KIAA0513: variants seen among roughly 807,000 people sequenced by gnomAD.
KIAA0513 encodes the protein uncharacterized protein KIAA0513.
Under a neutral mutation model 56.5 loss-of-function variants are expected in KIAA0513, and 39 were observed. The observed-to-expected ratio is 0.69, with a 90% CI of 0.53 to 0.90. The LOEUF (loss-of-function observed/expected upper bound fraction) is 0.90, where lower values mean the gene tolerates loss of function less well. Ranked by LOEUF, KIAA0513 falls within the 40% of genes least tolerant of loss-of-function variation. The probability of loss-of-function intolerance (pLI) is 0.00; values close to 1 mark genes in which losing one functional copy is unlikely to be tolerated. For missense variants in KIAA0513, 591 were observed against 535.2 expected, an observed-to-expected ratio of 1.10 and a Z score of -1.03; for synonymous variants, 268 against 215.6, an observed-to-expected ratio of 1.24 and a Z score of -2.13.
intron 4 of KIAA0513, among the ~76,000 whole-genome samples, chr16:85,074,288 A>G (rs983452752): frequency 1.3e-5 from 2 of 151,400 alleles, no homozygotes; most frequent in Middle Eastern, 3.2e-3. Context: ...TTCCATTTAT[A>G]TATACATATA....
intron 1 of KIAA0513, among the ~76,000 whole-genome samples, chr16:85,056,154 G>A (rs1052725237): frequency 2.0e-5 from 3 of 152,256 alleles, no homozygotes; most frequent in African/African-American, 7.2e-5. Context: ...GGATAGCTGG[G>A]GGTTGGTTGC....
At chr16:85,082,465 C>G in intron 9 of KIAA0513, 99 bp from the exon 10 acceptor site, 1 of 1,157,142 alleles carries the variant, frequency 8.6e-7, no homozygotes. Flanking sequence ...CCGTTTCTGC[C>G]TGTAATAACC....
chr16:85,049,878 A>G (rs1280192703), intron 1 of KIAA0513, among the ~76,000 whole-genome samples: 2 of 152,206 alleles, frequency 1.3e-5, no homozygotes, highest in Non-Finnish European at 2.9e-5. Flanking sequence ...TCCAGTAATT[A>G]AGTGTGGCTG....
intron 4 of KIAA0513, 57 bp downstream of exon 4, chr16:85,073,055 C>A (rs147260141): frequency 7.2e-7 from 1 of 1,391,620 alleles, no homozygotes; most frequent in Non-Finnish European, 1.0e-6. Flanking sequence ...TCCCTCCCTG[C>A]CTCCCTCCCC....
In KIAA0513 at chr16:85,088,385, C is replaced by A; in HGVS notation, c.*60C>A. On this transcript the variant is annotated 3_prime_UTR_variant, in exon 13 of 13. Transcript: ENST00000683363. The stretch of plus-strand genomic sequence containing the variant: ...CCATGTGCCATTCTCCCGGGCCCAG[C>A]GCCCGGCCGTCACCCCACCCGATGA... 6.8e-7 allele frequency: 1 copy of A among 1,470,656 alleles called. No individual in the cohort carries two copies. The highest frequency in any genetic ancestry group is 9.4e-7 in the Non-Finnish European group (1 of 1,063,102). 91.1% of individuals were successfully genotyped at this position (1,470,656 alleles called of 1,614,324 possible).
Position 85,081,377 on chromosome 16 carries a change from G to A in KIAA0513, c.965G>A (p.Arg322Gln), listed in dbSNP as rs748287956. The A allele has an allele frequency of 2.0e-5, 32 of 1,572,614 alleles. No homozygotes were observed. Among genetic ancestry groups the A allele is most frequent in the Middle Eastern group, 1.7e-4 (1 of 6,038 alleles). The change falls in exon 9 of 13, where the codon CGA (arginine) becomes CAA (glutamine). Residue 322 changes from arginine to glutamine, a missense_variant. By Grantham distance (43) the Arg-to-Gln change is conservative (BLOSUM62 1). Transcript: ENST00000683363. This position sits in a 1 kb window ranked among gnomAD's most constrained non-coding sequence, Gnocchi z 4.4. ...GCTGTCCATTGTGAGAGGACAAAGC[G>A]ATCTCCCACTACCAGGTAGGAGCAA... The part of the protein sequence containing the change: ...FDAVHCERTK[R>Q]SPTTRGDAGE...
rs2073675375 is a variant in KIAA0513 at position 85,077,556 on chromosome 16, G to A, written c.706G>A (p.Ala236Thr). 26 of 1,614,032 alleles carry A rather than the reference G, an allele frequency of 1.6e-5. No individual in the cohort carries two copies. The highest frequency in any genetic ancestry group is 2.1e-5 in the Non-Finnish European group (25 of 1,180,034). ...IAERLLKNTSARTENVKGFFG... is the reference protein window; with the variant it reads ...IAERLLKNTSTRTENVKGFFG... ...CGAGCGGCTGCTGAAGAACACCTCG[G>A]CCAGGACTGAGAATGTCAAGGGCTT... The change falls in exon 6 of 13, where the codon GCC becomes ACC. Residue 236 changes from alanine (A) to threonine (T), a missense_variant. Ala to Thr is a moderately conservative substitution (Grantham distance 58). Transcript: ENST00000683363.
At chr16:85,079,034 C>G (rs775407213) in intron 8 of KIAA0513, 31 bp downstream of exon 8, 2 of 1,614,076 alleles carry the variant, frequency 1.2e-6, no homozygotes, top group Non-Finnish European at 1.7e-6. Flanking sequence ...TCCCGTCACC[C>G]TCTTACTGAC....
At chr16:85,070,528 A>G (rs2073557537) in intron 2 of KIAA0513, among the ~76,000 whole-genome samples, 1 of 152,192 alleles carries the variant, frequency 6.6e-6, no homozygotes, top group Non-Finnish European at 1.5e-5. Flanking sequence ...AAACACAAAA[A>G]TTAGCTGGGC....
At chr16:85,048,911 G>A (rs2073208907) in intron 1 of KIAA0513, among the ~76,000 whole-genome samples, 1 of 152,212 alleles carries the variant, frequency 6.6e-6, no homozygotes, top group African/African-American at 2.4e-5. Context: ...GTTGGCCACA[G>A]CCCAGAGGGA....
At position 85,092,694 on chromosome 16, in the gene KIAA0513, A is replaced by T. The variant is rs146795917; in HGVS notation, c.*4369A>T. 6.6e-6 allele frequency: 1 copy of T among 152,280 alleles called. No individual in the cohort carries two copies. The highest frequency in any genetic ancestry group is 1.5e-5 in the Non-Finnish European group (1 of 68,038). The allele number at this position is 152,280 out of a possible 1,614,324, so 9.4% of individuals were successfully genotyped here. A position where few individuals can be genotyped will look rare whatever the true frequency, so the allele number is the denominator to read the frequency against. On this transcript the variant is annotated 3_prime_UTR_variant, in exon 13 of 13. Transcript: ENST00000683363. ...TCCTGTAAATCGTGTATTCATGTTG[A>T]TGATTCTTGGAGATAGGTTTCACTT... is the stretch of plus-strand genomic sequence containing the variant.
intron 1 of KIAA0513, among the ~76,000 whole-genome samples, chr16:85,039,305 T>A (rs2073075660): frequency 6.6e-6 from 1 of 152,222 alleles, no homozygotes; most frequent in African/African-American, 2.4e-5. Context: ...GTATGATTAC[T>A]CTTTTTAATT....
At chr16:85,064,443 T>G (rs1390774739) in intron 1 of KIAA0513, among the ~76,000 whole-genome samples, 1 of 152,246 alleles carries the variant, frequency 6.6e-6, no homozygotes, top group Non-Finnish European at 1.5e-5. Context: ...TTCCAAGCAT[T>G]TGAATTCCTG....
At position 85,092,888 on chromosome 16, in the gene KIAA0513, G is replaced by C. The variant is rs1321255875; in HGVS notation, c.*4563G>C. ...GGAACAGGAATGTGTTGGTGCCTGA[G>C]ACACCAAATGGAAGAAGCACATCAA... On this transcript the variant is annotated 3_prime_UTR_variant, in exon 13 of 13. Transcript: ENST00000683363. 1 of 152,232 alleles carries C rather than the reference G, an allele frequency of 6.6e-6. No homozygotes were observed. The highest frequency in any genetic ancestry group is 1.5e-5 in the Non-Finnish European group (1 of 68,078). The allele number at this position is 152,232 out of a possible 1,614,324, so 9.4% of individuals were successfully genotyped here. A position where few individuals can be genotyped will look rare whatever the true frequency, so the allele number is the denominator to read the frequency against.
intron 1 of KIAA0513, among the ~76,000 whole-genome samples, chr16:85,055,225 CTT>C (rs1567530081): frequency 1.3e-5 from 2 of 151,930 alleles, no homozygotes; most frequent in South Asian, 4.2e-4. Context: ...CCCCCAGCCT[CTT>C]TTTGTGGTTT....
chr16:85,035,972 C>G (rs2073030821), intron 1 of KIAA0513, among the ~76,000 whole-genome samples: 1 of 148,344 alleles, frequency 6.7e-6, no homozygotes, highest in African/African-American at 2.5e-5. Flanking sequence ...GAGCGAGACT[C>G]CGTCCCAAAA....
At chr16:85,031,348 G>C (rs1156891191) in intron 1 of KIAA0513, among the ~76,000 whole-genome samples, 1 of 152,164 alleles carries the variant, frequency 6.6e-6, no homozygotes, top group African/African-American at 2.4e-5. Flanking sequence ...GCCAGGTGTG[G>C]TGGTGCAAAC....
intron 2 of KIAA0513, among the ~76,000 whole-genome samples, chr16:85,069,866 A>C (rs1317190013): frequency 1.3e-5 from 2 of 152,088 alleles, no homozygotes; most frequent in Non-Finnish European, 2.9e-5. Context: ...AGTTTCATTA[A>C]CACAATTAGA....
chr16:85,028,698 G>T (rs2037725597), intron 1 of KIAA0513, among the ~76,000 whole-genome samples: 1 of 151,642 alleles, frequency 6.6e-6, no homozygotes, highest in Admixed American at 6.6e-5. Flanking sequence ...AGGGGAAGAG[G>T]AAAAAAAGAC....
Sources: allele counts gnomAD v4.1 joint callset (sites outside exome capture counted in the v4.1 genomes callset), GRCh38; gene constraint gnomAD v4.1.1; non-coding constraint Gnocchi (gnomAD v3.1); transcripts MANE v1.5; gene names NCBI Gene and HGNC (gene_info 2026-07-23, HGNC 2026-07-21).